The following BBS9 variants were observed in gnomAD, a reference collection of about 807,000 sequenced individuals.
BBS9 encodes the protein Bardet-Biedl syndrome 9.
BBS9 carries 89 observed loss-of-function variants against 117.7 expected under a neutral mutation model. The ratio of observed to expected loss-of-function variants is 0.76; its 90% CI spans 0.64 to 0.90. The LOEUF (loss-of-function observed/expected upper bound fraction) is 0.90, where lower values mean the gene tolerates loss of function less well. Among genes scored for constraint, BBS9 ranks in the 40% least tolerant of loss-of-function variants. The pLI is 0.00. For synonymous variants in BBS9, 379 were observed against 370.9 expected (o/e 1.02, Z -0.25); for missense variants, 982 against 1,042.2 (o/e 0.94, Z 0.80).
At chr7:33,166,811 GGATATCCCC>G (rs1282591402) in intron 4 of BBS9, among the ~76,000 whole-genome samples, 8 of 152,214 alleles carry the variant, frequency 5.3e-5, no homozygotes, top group African/African-American at 1.9e-4. Context: ...GCTAGGAAAG[GGATATCCCC>G]CAACCCCTTG....
intron 19 of BBS9, among the ~76,000 whole-genome samples, chr7:33,490,123 C>T (rs934874098): frequency 6.6e-6 from 1 of 152,048 alleles, no homozygotes; most frequent in African/African-American, 2.4e-5. Flanking sequence ...TAATCCATAC[C>T]TCTCTTAACA....
At chr7:33,192,343 G>A (rs73688907) in intron 5 of BBS9, among the ~76,000 whole-genome samples, 2,592 of 152,260 alleles carry the variant, frequency 0.017, 62 homozygotes, top group African/African-American at 0.059. Flanking sequence ...GCTGCAAATA[G>A]GAAAAGTGGC....
chr7:33,160,639 G>A lies in BBS9; in HGVS notation c.328+4937G>A, dbSNP rs541335108. Among the ~76,000 whole-genome samples, 3 of 152,140 alleles carry A rather than the reference G, an allele frequency of 2.0e-5. No homozygotes were observed. The South Asian group carries it at 6.2e-4, about 32-fold the overall frequency. On this transcript the variant is annotated intron_variant, in intron 4 of 22. Transcript: ENST00000242067. Reference sequence around the variant, plus strand: ...TCTTCTTCTGGGGAGAAACTTTCCTGTTTAGCTTTACTTTAAGGTTGCCAA... The same window carrying A: ...TCTTCTTCTGGGGAGAAACTTTCCTATTTAGCTTTACTTTAAGGTTGCCAA...
intron 20 of BBS9, among the ~76,000 whole-genome samples, chr7:33,531,425 AAGG>A (rs1174306946): frequency 1.3e-5 from 2 of 152,116 alleles, no homozygotes; most frequent in African/African-American, 4.8e-5. Flanking sequence ...TCCTAGAAAA[AAGG>A]AGGGAGGGCT....
intron 20 of BBS9, among the ~76,000 whole-genome samples, chr7:33,510,429 C>T (rs10262995): frequency 0.09 from 13,749 of 151,984 alleles, 689 homozygotes; most frequent in South Asian, 0.14. Flanking sequence ...TCTAATCATG[C>T]TGCACAGAAG....
At chr7:33,293,406 T>G (rs1204732719) in intron 9 of BBS9, among the ~76,000 whole-genome samples, 16 of 151,906 alleles carry the variant, frequency 1.1e-4, no homozygotes, top group Admixed American at 1.0e-3. Context: ...AAAGGATCTG[T>G]AATTGTTATA....
At chr7:33,277,908 A>G (rs1288743713) in intron 9 of BBS9, among the ~76,000 whole-genome samples, 2 of 152,106 alleles carry the variant, frequency 1.3e-5, no homozygotes, top group African/African-American at 2.4e-5. Flanking sequence ...ATGGCTGGCA[A>G]TTGTTTTTGT....
At chr7:33,632,685 C>T (rs1865950619) in intron 21 of BBS9, among the ~76,000 whole-genome samples, 1 of 152,116 alleles carries the variant, frequency 6.6e-6, no homozygotes, top group Non-Finnish European at 1.5e-5. Flanking sequence ...TCCCGTCCCA[C>T]CCCTCCCGCC....
At chr7:33,368,900 A>G (rs1023610908) in intron 17 of BBS9, among the ~76,000 whole-genome samples, 3 of 152,182 alleles carry the variant, frequency 2.0e-5, no homozygotes, top group East Asian at 1.9e-4. Flanking sequence ...CTCAGATACT[A>G]TTGAAGACTC....
intron 20 of BBS9, among the ~76,000 whole-genome samples, chr7:33,509,370 A>G (rs915789097): frequency 1.3e-5 from 2 of 152,226 alleles, no homozygotes; most frequent in African/African-American, 4.8e-5. Flanking sequence ...TGTGATGGGT[A>G]TCCCACTGAG....
intron 21 of BBS9, among the ~76,000 whole-genome samples, chr7:33,574,723 A>ACATG (rs1554544056): frequency 6.8e-6 from 1 of 147,476 alleles, no homozygotes; most frequent in Non-Finnish European, 1.5e-5. Context: ...ACACACACAC[A>ACATG]CACGCGCACA....
At chr7:33,272,621 A>G (rs1038518748) in intron 7 of BBS9, among the ~76,000 whole-genome samples, 1 of 152,154 alleles carries the variant, frequency 6.6e-6, no homozygotes, top group Non-Finnish European at 1.5e-5. Flanking sequence ...TACTCTGTAT[A>G]TGCATATTGA....
At chr7:33,158,794 G>T (rs904643228) in intron 4 of BBS9, among the ~76,000 whole-genome samples, 3 of 152,118 alleles carry the variant, frequency 2.0e-5, no homozygotes, top group African/African-American at 7.2e-5. Context: ...TTAGTCAAAT[G>T]AAATTTAACA....
In BBS9 at chr7:33,605,565, C is replaced by A; in HGVS notation, c.*339C>A. The A allele has an allele frequency of 3.1e-6, 1 of 321,132 alleles. No individual in the cohort carries two copies. Among genetic ancestry groups the A allele is most frequent in the South Asian group, 4.1e-5 (1 of 24,482 alleles). 19.9% of individuals were successfully genotyped at this position (321,132 alleles called of 1,614,324 possible). The stretch of plus-strand genomic sequence containing the variant: ...TTCAGATCCAAAATAATTTCATACC[C>A]CATTTTTTCACAGAATTCTTATATA... On this transcript the variant is annotated 3_prime_UTR_variant, in exon 23 of 23. Coordinates refer to ENST00000242067, the MANE Select transcript of BBS9 (RefSeq NM_198428.3).
intron 10 of BBS9, among the ~76,000 whole-genome samples, chr7:33,337,911 A>G (rs1815711888): frequency 6.6e-6 from 1 of 152,086 alleles, no homozygotes; most frequent in African/African-American, 2.4e-5. Context: ...TGCCCTTTCC[A>G]TAGTAATGTT....
chr7:33,293,135 A>G (rs527946534), intron 9 of BBS9, among the ~76,000 whole-genome samples: 8 of 152,116 alleles, frequency 5.3e-5, no homozygotes, highest in Middle Eastern at 3.4e-3. Context: ...AAAAAAGCAG[A>G]TTTGGTTATC....
At chr7:33,208,433 G>T (rs2128221742) in intron 5 of BBS9, among the ~76,000 whole-genome samples, 1 of 152,306 alleles carries the variant, frequency 6.6e-6, no homozygotes, top group Middle Eastern at 3.4e-3. Context: ...TCTGTAGCCA[G>T]AGCTTTGAAC....
rs28465518 is a variant in BBS9, at chr7:33,384,273, C to A, written c.1962+435C>A. Among the ~76,000 whole-genome samples, 1,087 of 152,322 alleles carry A rather than the reference C, an allele frequency of 7.1e-3. 18 individuals carry two copies. Among genetic ancestry groups the A allele is most frequent in the South Asian group, 0.046 (220 of 4,824 alleles). On this transcript the variant is annotated intron_variant, in intron 18 of 22. Transcript: ENST00000242067. ...TTCTGCATCTGAATGAGGGTTAACACTTAAAATATTCCCCAGTATCTGGCA... is the reference window on the plus strand; with the variant it reads ...TTCTGCATCTGAATGAGGGTTAACAATTAAAATATTCCCCAGTATCTGGCA...
At chr7:33,600,940 G>T (rs973241749) in intron 21 of BBS9, among the ~76,000 whole-genome samples, 8 of 152,158 alleles carry the variant, frequency 5.3e-5, no homozygotes, top group Admixed American at 1.3e-4. Context: ...GGAAAGAAAA[G>T]TATTTCCAGG....
Sources: gnomAD v4.1 joint callset for allele counts (sites outside exome capture counted in the v4.1 genomes callset) on GRCh38, gnomAD v4.1.1 for gene constraint, MANE v1.5 for transcripts, NCBI Gene and HGNC (gene_info 2026-07-23, HGNC 2026-07-21) for gene names.